The following MAN1A1 variants were observed in gnomAD, a reference collection of about 807,000 sequenced individuals.
MAN1A1 encodes the protein mannosidase alpha class 1A member 1.
MAN1A1 carries 29 observed loss-of-function variants against 70.8 expected under a neutral mutation model. The ratio of observed to expected loss-of-function variants is 0.41; its 90% CI spans 0.31 to 0.56. The LOEUF (loss-of-function observed/expected upper bound fraction) is 0.56. Ranked by LOEUF, MAN1A1 falls within the 20% of genes least tolerant of loss-of-function variation. MAN1A1 has a pLI of 0.29. For synonymous variants in MAN1A1, 349 were observed against 330.1 expected (o/e 1.06, Z -0.62); for missense variants, 747 against 841.3 (o/e 0.89, Z 1.39).
chr6:119,293,437 G>A (rs1027438357), intron 4 of MAN1A1, among the ~76,000 whole-genome samples: 8 of 152,072 alleles, frequency 5.3e-5, no homozygotes, highest in Admixed American at 5.2e-4. Flanking sequence ...TGTCCAGTGA[G>A]CCTGTTTAAG....
chr6:119,329,769 T>G (rs1482962047), intron 2 of MAN1A1, among the ~76,000 whole-genome samples: 2 of 152,158 alleles, frequency 1.3e-5, no homozygotes, highest in Non-Finnish European at 2.9e-5. Context: ...TCTGGCCTCG[T>G]TCACAGTTAC....
At chr6:119,222,315 T>C (rs1024925315) in intron 6 of MAN1A1, among the ~76,000 whole-genome samples, 9 of 151,452 alleles carry the variant, frequency 5.9e-5, no homozygotes, top group East Asian at 3.9e-4. Flanking sequence ...TTCATCTTTT[T>C]TTTTTTAAGG....
In MAN1A1 at chr6:119,210,131, C is replaced by T. The variant is rs760439632; in HGVS notation, c.993-5249G>A. Among the ~76,000 whole-genome samples, 16 of 152,080 alleles carry T rather than the reference C, an allele frequency of 1.1e-4. No homozygotes were observed. The East Asian group carries it at 1.3e-3, about 13-fold the overall frequency. ...TTACATCTGACTACCTTGGGCTGTG[C>T]GGGAAGACGGGGGTTATGAAGACAA... On this transcript the variant is annotated intron_variant, in intron 6 of 12. Coordinates refer to ENST00000368468, the MANE Select transcript of MAN1A1 (RefSeq NM_005907.4).
At chr6:119,311,592 CACA>C (rs1772702978) in intron 2 of MAN1A1, among the ~76,000 whole-genome samples, 1 of 152,060 alleles carries the variant, frequency 6.6e-6, no homozygotes, top group African/African-American at 2.4e-5. Context: ...GCAGTTAACA[CACA>C]ACAAGCTTTA....
intron 5 of MAN1A1, among the ~76,000 whole-genome samples, chr6:119,275,572 C>T (rs559347720): frequency 7.1e-6 from 1 of 141,312 alleles, no homozygotes; most frequent in Non-Finnish European, 1.6e-5. Flanking sequence ...TCCCAAAGTG[C>T]TGGGATTACA....
At chr6:119,324,219 TATG>T (rs1039158872) in intron 2 of MAN1A1, among the ~76,000 whole-genome samples, 2 of 152,244 alleles carry the variant, frequency 1.3e-5, no homozygotes, top group African/African-American at 4.8e-5. Flanking sequence ...TGAAGACATT[TATG>T]ATGACTCACT....
At position 119,234,539 on chromosome 6, in the gene MAN1A1, G is replaced by A. The variant is rs545832433; in HGVS notation, c.992+13721C>T. Among the ~76,000 whole-genome samples the A allele has an allele frequency of 1.4e-4, 21 of 151,880 alleles. No individual in the cohort carries two copies. The South Asian group carries it at 3.1e-3, about 23-fold the overall frequency. ...AGCAATCTTTCCACCTCAGCCTCCC[G>A]AGTAGCTGAGACTACAGGCATGTGC... On this transcript the variant is annotated intron_variant, in intron 6 of 12. Coordinates refer to ENST00000368468, the MANE Select transcript of MAN1A1 (RefSeq NM_005907.4).
At chr6:119,344,852 A>G (rs1773685170) in intron 2 of MAN1A1, among the ~76,000 whole-genome samples, 1 of 152,252 alleles carries the variant, frequency 6.6e-6, no homozygotes, top group Non-Finnish European at 1.5e-5. Context: ...CTTTAAATTC[A>G]TGATTACACA....
At chr6:119,328,334 G>A (rs1451582336) in intron 2 of MAN1A1, among the ~76,000 whole-genome samples, 2 of 152,174 alleles carry the variant, frequency 1.3e-5, no homozygotes, top group South Asian at 2.1e-4. Flanking sequence ...TTGTGCATCC[G>A]CTCACTTGCT....
chr6:119,288,510 G>T (rs1214496809), intron 5 of MAN1A1, among the ~76,000 whole-genome samples: 1 of 151,698 alleles, frequency 6.6e-6, no homozygotes, highest in African/African-American at 2.4e-5. Flanking sequence ...AACAGACCTG[G>T]GGTAAAAAAT....
intron 5 of MAN1A1, among the ~76,000 whole-genome samples, chr6:119,255,921 T>A (rs188996908): frequency 0.028 from 4,264 of 151,688 alleles, 87 homozygotes; most frequent in Non-Finnish European, 0.045. Context: ...CTTCATTTTT[T>A]AAAAAAAATA....
At chr6:119,245,523 A>G (rs775172759) in intron 6 of MAN1A1, among the ~76,000 whole-genome samples, 34 of 152,290 alleles carry the variant, frequency 2.2e-4, no homozygotes, top group South Asian at 4.1e-4. Context: ...TAAGATGATA[A>G]ATCAGTCTCA....
intron 7 of MAN1A1, among the ~76,000 whole-genome samples, chr6:119,203,637 C>T (rs891367400): frequency 6.6e-6 from 1 of 152,032 alleles, no homozygotes; most frequent in African/African-American, 2.4e-5. Context: ...GGCAGTGAGA[C>T]ACCCAAAGGA....
chr6:119,318,318 C>T (rs976581289), intron 2 of MAN1A1, among the ~76,000 whole-genome samples: 1 of 152,164 alleles, frequency 6.6e-6, no homozygotes, highest in Non-Finnish European at 1.5e-5. Context: ...CAGAGAGAGT[C>T]CCATTGCACA....
chr6:119,319,032 A>C (rs998227891), intron 2 of MAN1A1, among the ~76,000 whole-genome samples: 1 of 150,728 alleles, frequency 6.6e-6, no homozygotes, highest in Non-Finnish European at 1.5e-5. Context: ...ACACATGCAG[A>C]AAAAAAGTAC....
chr6:119,292,815 C>G (rs1043206412), intron 4 of MAN1A1, among the ~76,000 whole-genome samples: 1 of 151,940 alleles, frequency 6.6e-6, no homozygotes, highest in Non-Finnish European at 1.5e-5. Context: ...TGTAATTTAA[C>G]TTTGAGGTCT....
chr6:119,188,444 A>G lies in MAN1A1; in HGVS notation c.1680T>C (p.His560=), dbSNP rs758999776. Residue 560 remains histidine (H), a synonymous_variant, in exon 11 of 13, where the codon CAT becomes CAC. Coordinates refer to ENST00000368468, the MANE Select transcript of MAN1A1 (RefSeq NM_005907.4). ...AGGCCCATTTCCTGTACTTTGGATCATGAGTCAGTCTCCACATATACATGT... is the reference window on the plus strand; with the variant it reads ...AGGCCCATTTCCTGTACTTTGGATCGTGAGTCAGTCTCCACATATACATGT... ...ETYMYMWRLT[H]DPKYRKWAWE... 1 of 1,613,274 alleles carries G rather than the reference A, an allele frequency of 6.2e-7. No homozygotes were observed. Among genetic ancestry groups the G allele is most frequent in the Admixed American group, 1.7e-5 (1 of 59,886 alleles).
intron 6 of MAN1A1, among the ~76,000 whole-genome samples, chr6:119,247,900 G>A (rs755180489): frequency 1.3e-5 from 2 of 152,158 alleles, no homozygotes; most frequent in Non-Finnish European, 2.9e-5. Context: ...AAGGTTCTTA[G>A]GAATTTGCTT....
chr6:119,182,782 A>C (rs1179299787), intron 11 of MAN1A1, among the ~76,000 whole-genome samples: 1 of 152,100 alleles, frequency 6.6e-6, no homozygotes, highest in Non-Finnish European at 1.5e-5. Flanking sequence ...TGTAAACAAG[A>C]TATACTTACT....
Sources: gnomAD v4.1 joint callset for allele counts (sites outside exome capture counted in the v4.1 genomes callset) on GRCh38, gnomAD v4.1.1 for gene constraint, MANE v1.5 for transcripts, NCBI Gene and HGNC (gene_info 2026-07-23, HGNC 2026-07-21) for gene names.